The following TTC28 variants were observed in gnomAD, a reference collection of about 807,000 sequenced individuals.
TTC28 encodes tetratricopeptide repeat domain 28.
In TTC28, 61 loss-of-function variants were observed where a neutral mutation model predicts 198.0. The observed-to-expected ratio is 0.31, with a 90% CI of 0.25 to 0.38. The LOEUF (loss-of-function observed/expected upper bound fraction) is 0.38, where lower values mean the gene tolerates loss of function less well. Among genes scored for constraint, TTC28 ranks in the 10% least tolerant of loss-of-function variants. The probability of loss-of-function intolerance (pLI) is 1.00; values close to 1 mark genes in which losing one functional copy is unlikely to be tolerated. For synonymous variants in TTC28, 1,171 were observed against 1,297.8 expected, an observed-to-expected ratio of 0.90 and a Z score of 2.10; for missense variants, 2,678 against 3,164.0, an observed-to-expected ratio of 0.85 and a Z score of 3.69.
chr22:28,089,523 G>C (rs1941741402), intron 12 of TTC28, among the ~76,000 whole-genome samples: 1 of 150,830 alleles, frequency 6.6e-6, no homozygotes, highest in Non-Finnish European at 1.5e-5. Flanking sequence ...GTGGGGTGGG[G>C]GGATGGGGGA....
chr22:28,503,442 AT>A (rs1233432912), intron 2 of TTC28, among the ~76,000 whole-genome samples: 1 of 152,212 alleles, frequency 6.6e-6, no homozygotes, highest in Non-Finnish European at 1.5e-5. Context: ...AAAGATGAAT[AT>A]TTGTTGAATA....
chr22:28,140,934 AGAG>A (rs57274885), intron 6 of TTC28, among the ~76,000 whole-genome samples: 73,404 of 150,858 alleles, frequency 0.49, 18,139 homozygotes, highest in Non-Finnish European at 0.54. Context: ...ATGCAAAGGA[AGAG>A]GAGGAGGAGG....
chr22:28,190,578 T>C lies in TTC28; in HGVS notation c.934-26979A>G, dbSNP rs551974749. Reference sequence around the variant, plus strand: ...TGTTTTATTTGGTTTACACAGTATGTTGTTTAATTAGGAAACTCACATGAA... The same window carrying C: ...TGTTTTATTTGGTTTACACAGTATGCTGTTTAATTAGGAAACTCACATGAA... On this transcript the variant is annotated intron_variant, in intron 5 of 22. Transcript: ENST00000397906. Among the ~76,000 whole-genome samples, 9 of 152,356 alleles carry C rather than the reference T, an allele frequency of 5.9e-5. No homozygotes were observed. The South Asian group carries it at 1.0e-3, about 18-fold the overall frequency.
intron 5 of TTC28, among the ~76,000 whole-genome samples, chr22:28,222,024 AG>A (rs1452899070): frequency 6.6e-6 from 1 of 152,220 alleles, no homozygotes; most frequent in African/African-American, 2.4e-5. Flanking sequence ...ATCTTGCCTT[AG>A]GAGCCTAATT....
At chr22:28,544,784 T>G (rs1244059017) in intron 2 of TTC28, among the ~76,000 whole-genome samples, 1 of 152,166 alleles carries the variant, frequency 6.6e-6, no homozygotes, top group African/African-American at 2.4e-5. Context: ...AAGACACTCC[T>G]ACCAGTGCCA....
intron 2 of TTC28, among the ~76,000 whole-genome samples, chr22:28,368,380 T>C (rs974034657): frequency 1.3e-5 from 2 of 152,016 alleles, no homozygotes; most frequent in African/African-American, 4.8e-5. Context: ...AAACTGAGTA[T>C]AGAAGGAACA....
chr22:28,520,224 T>C (rs1329848359), intron 2 of TTC28, among the ~76,000 whole-genome samples: 1 of 152,178 alleles, frequency 6.6e-6, no homozygotes, highest in African/African-American at 2.4e-5. Context: ...TTGAAGATAA[T>C]AATGCTTATC....
intron 14 of TTC28, chr22:28,008,431 T>C (rs1938010859): frequency 6.6e-6 from 1 of 152,230 alleles, no homozygotes. Context: ...TTTAAACAGG[T>C]GACTCCACAC....
intron 1 of TTC28, among the ~76,000 whole-genome samples, chr22:28,674,964 GACTTAC>G (rs1206718593): frequency 6.6e-6 from 1 of 151,972 alleles, no homozygotes; most frequent in African/African-American, 2.4e-5. Flanking sequence ...ACAGTTAAAG[GACTTAC>G]ACTTAATTTC....
At chr22:28,416,014 G>A (rs528329774) in intron 2 of TTC28, among the ~76,000 whole-genome samples, 1 of 152,304 alleles carries the variant, frequency 6.6e-6, no homozygotes, top group East Asian at 1.9e-4. Flanking sequence ...AAGCCCTAGA[G>A]TAAGAAAGCT....
At chr22:28,073,456 G>C (rs1359549116) in intron 12 of TTC28, among the ~76,000 whole-genome samples, 2 of 152,224 alleles carry the variant, frequency 1.3e-5, no homozygotes, top group Admixed American at 6.5e-5. Flanking sequence ...AGATGGAGGA[G>C]TGCTTGCAGA....
At chr22:28,124,205 T>TGTTG (rs1942863287) in intron 6 of TTC28, among the ~76,000 whole-genome samples, 1 of 141,722 alleles carries the variant, frequency 7.1e-6, no homozygotes, top group Admixed American at 7.1e-5. Flanking sequence ...GTTGTTTGTT[T>TGTTG]TTTGTTTTTT....
At chr22:28,065,759 C>G (rs1940723324) in intron 12 of TTC28, among the ~76,000 whole-genome samples, 1 of 152,152 alleles carries the variant, frequency 6.6e-6, no homozygotes, top group Non-Finnish European at 1.5e-5. Flanking sequence ...AGAAAGAGTT[C>G]TACACCATTT....
Position 28,107,831 on chromosome 22 carries a change from T to C in TTC28, c.2014A>G (p.Ser672Gly), listed in dbSNP as rs1436255904. 1 of 1,551,944 alleles carries C rather than the reference T, an allele frequency of 6.4e-7. No individual in the cohort carries two copies. Among genetic ancestry groups the C allele is most frequent in the Admixed American group, 2.0e-5 (1 of 51,012 alleles). Residue 672 changes from serine to glycine, a missense_variant, in exon 7 of 23, where the codon AGC becomes GGC. By Grantham distance (56) the Ser-to-Gly change is moderately conservative. This residue lies in a region of TTC28 where 775 missense variants were observed against 845.9 expected (regional missense o/e 0.92). Transcript: ENST00000397906. ...AAGTTGCAGTAGGCTTTTGCTTGGC[T>C]CAACTTGTCGTGAAGGTCTTTAGCC... ...ALAKDLHDKL[S>G]QAKAYCNLGL...
chr22:28,658,397 G>A (rs2051692301), intron 1 of TTC28, among the ~76,000 whole-genome samples: 1 of 152,118 alleles, frequency 6.6e-6, no homozygotes, highest in African/African-American at 2.4e-5. Context: ...AACCCATCTT[G>A]CAAGGAGTAA....
At chr22:28,438,459 G>A (rs956261051) in intron 2 of TTC28, among the ~76,000 whole-genome samples, 3 of 152,142 alleles carry the variant, frequency 2.0e-5, no homozygotes, top group Non-Finnish European at 4.4e-5. Flanking sequence ...TTATTAATGT[G>A]ACAAGTATAA....
intron 12 of TTC28, among the ~76,000 whole-genome samples, chr22:28,045,221 T>G (rs561780000): frequency 6.6e-6 from 1 of 152,098 alleles, no homozygotes; most frequent in South Asian, 2.1e-4. Context: ...CAGAAGCATT[T>G]TGAATTTTTG....
intron 2 of TTC28, among the ~76,000 whole-genome samples, chr22:28,451,118 T>C (rs754297820): frequency 6.6e-5 from 10 of 152,130 alleles, no homozygotes; most frequent in Non-Finnish European, 1.0e-4. Context: ...GAACACTAAG[T>C]TGCCAAAATA....
intron 5 of TTC28, among the ~76,000 whole-genome samples, chr22:28,250,354 T>A (rs1297734908): frequency 6.6e-6 from 1 of 152,200 alleles, no homozygotes; most frequent in Admixed American, 6.5e-5. Flanking sequence ...ACATCTCTCA[T>A]AAGATTTTTA....
Sources: gnomAD v4.1 joint callset for allele counts (sites outside exome capture counted in the v4.1 genomes callset) on GRCh38, gnomAD v4.1.1 for gene constraint, gnomAD v4.1.1 regional missense constraint, MANE v1.5 for transcripts, NCBI Gene and HGNC (gene_info 2026-07-23, HGNC 2026-07-21) for gene names.